Variants in DNPEP observed in about 807,000 individuals in gnomAD.
DNPEP encodes the protein aspartyl aminopeptidase.
Under a neutral mutation model 59.1 loss-of-function variants are expected in DNPEP, and 46 were observed. The observed-to-expected ratio is 0.78, with a 90% CI of 0.61 to 0.99. The LOEUF is 0.99. DNPEP is among the 50% of genes least tolerant of loss of function. The pLI, the probability that DNPEP is intolerant of heterozygous loss-of-function variation, is 0.00. For synonymous variants in DNPEP, 229 were observed against 242.2 expected (o/e 0.95, Z 0.50); for missense variants, 617 against 649.9 (o/e 0.95, Z 0.55).
At chr2:219,386,539 G>A (rs1953845187) in intron 4 of DNPEP, 126 bp downstream of exon 4, 2 of 1,476,242 alleles carry the variant, frequency 1.4e-6, no homozygotes, top group South Asian at 2.5e-5. Context: ...TGAAGGAAGG[G>A]GCCAACAAGT....
At chr2:219,379,425 G>A (rs999413973) in intron 13 of DNPEP, among the ~76,000 whole-genome samples, 4 of 152,072 alleles carry the variant, frequency 2.6e-5, no homozygotes, top group African/African-American at 9.7e-5. Context: ...TATAGGCCTA[G>A]GCTAATGTGT....
At chr2:219,377,840 C>G (rs1470490752) in intron 13 of DNPEP, among the ~76,000 whole-genome samples, 2 of 151,842 alleles carry the variant, frequency 1.3e-5, no homozygotes, top group African/African-American at 4.8e-5. Flanking sequence ...GGAAGATCTT[C>G]TGAGCTCAGG....
chr2:219,375,085 G>A (rs1179877022), intron 13 of DNPEP, 63 bp from the exon 14 acceptor site: 5 of 1,558,524 alleles, frequency 3.2e-6, no homozygotes, highest in Non-Finnish European at 2.6e-6. Flanking sequence ...CAAGGAGGAC[G>A]CCATCTTAGA....
intron 10 of DNPEP, among the ~76,000 whole-genome samples, chr2:219,382,540 G>C (rs953075158): frequency 6.6e-6 from 1 of 152,218 alleles, no homozygotes; most frequent in Non-Finnish European, 1.5e-5. Context: ...AGGCTCCCCT[G>C]CAGCTAAGTT....
In DNPEP at chr2:219,382,114, G is replaced by T; in HGVS notation, c.962C>A (p.Ala321Glu). Reference protein sequence around the residue: ...EEVGSESAQGAQSLLTELVLR... With the variant: ...EEVGSESAQGEQSLLTELVLR... ...CACCAGCTCTGTCAGCAGTGACTGT[G>T]CTCCCTGTGCACTCTCAGACCCCAC... The change falls in exon 11 of 15, where the codon GCA becomes GAA. Residue 321 changes from alanine (A) to glutamate (E), a missense_variant. Transcript: ENST00000273075. 1 of 1,612,340 alleles carries T rather than the reference G, an allele frequency of 6.2e-7. No individual in the cohort carries two copies.
At chr2:219,386,603 C>T (rs1953848010) in intron 4 of DNPEP, 62 bp downstream of exon 4, 1 of 1,515,358 alleles carries the variant, frequency 6.6e-7, no homozygotes, top group African/African-American at 1.4e-5. Flanking sequence ...CCTCCTAGTT[C>T]TCTTTTGCCC....
At chr2:219,374,695 G>C (rs1271098248) in intron 14 of DNPEP, among the ~76,000 whole-genome samples, 160 bp downstream of exon 14, 1 of 152,154 alleles carries the variant, frequency 6.6e-6, no homozygotes, top group Non-Finnish European at 1.5e-5. Flanking sequence ...AGCCACTGTG[G>C]TTGGCCAGGA....
upstream of DNPEP, among the ~76,000 whole-genome samples, chr2:219,391,802 A>G (rs1244960489): frequency 6.6e-6 from 1 of 151,456 alleles, no homozygotes; most frequent in Non-Finnish European, 1.5e-5. Flanking sequence ...CAGCATCTGC[A>G]TGTTAACAAG....
At position 219,383,603 on chromosome 2, in the gene DNPEP, T is replaced by C. The variant is rs148173073; in HGVS notation, c.853-389A>G. Among the ~76,000 whole-genome samples the C allele has an allele frequency of 3.8e-3, 571 of 152,030 alleles. 7 individuals are homozygous for C. The highest frequency in any genetic ancestry group is 0.013 in the African/African-American group (542 of 41,464). ...TTCCCATGCAAAAGGCAGTAGAAGA[T>C]GTGGAGGACAGAGAGGAAGAGCTGA... On this transcript the variant is annotated intron_variant, in intron 9 of 14. Transcript: ENST00000273075.
chr2:219,386,175 AG>A (rs11352428), intron 5 of DNPEP, 77 bp from the exon 6 acceptor site: 1,570,167 of 1,608,048 alleles, frequency 0.98, 768,907 homozygotes, highest in East Asian at 1. Context: ...CAGACTAAGC[AG>A]GGTGGTCCTC....
upstream of DNPEP, among the ~76,000 whole-genome samples, chr2:219,389,847 T>TAAATAAATAAATAAATAAATA (rs1953986008): frequency 6.6e-6 from 1 of 151,332 alleles, no homozygotes; most frequent in African/African-American, 2.4e-5. Flanking sequence ...AATAAATAAA[T>TAAATAAATAAATAAATAAATA]AAAATTATGT....
In DNPEP at chr2:219,386,742, A is replaced by ATTG. The variant is rs761216369; in HGVS notation, c.255_256insCAA (p.Ala85_Phe86insGln). 6.2e-7 allele frequency: 1 copy of ATTG among 1,613,126 alleles called. No homozygotes were observed. Among genetic ancestry groups the ATTG allele is most frequent in the Non-Finnish European group, 8.5e-7 (1 of 1,179,690 alleles). ...GGAACGTACTGGCCCCCTACAGCAA[A>ATTG]AGCTATGATGGTGGAGGAGTTCCTG... On this transcript the variant is annotated inframe_insertion, in exon 4 of 15. Coordinates refer to ENST00000273075, the MANE Select transcript of DNPEP (RefSeq NM_012100.4).
At chr2:219,387,327 T>G in intron 1 of DNPEP, 164 bp from the exon 2 acceptor site, 1 of 1,439,844 alleles carries the variant, frequency 6.9e-7, no homozygotes, top group Non-Finnish European at 9.1e-7. Context: ...GGGCTGAAAC[T>G]CCGTTGAAAG....
intron 8 of DNPEP, 141 bp downstream of exon 8, chr2:219,385,283 G>T: frequency 1.6e-6 from 1 of 611,168 alleles, no homozygotes; most frequent in South Asian, 2.1e-5. Flanking sequence ...TAGAAGCAGT[G>T]GGGGATGTGT....
At chr2:219,379,062 C>A (rs550343541) in intron 13 of DNPEP, among the ~76,000 whole-genome samples, 2 of 152,012 alleles carry the variant, frequency 1.3e-5, no homozygotes, top group African/African-American at 4.8e-5. Context: ...GGATTACAGG[C>A]GCACACCACC....
intron 8 of DNPEP, 33 bp downstream of exon 8, chr2:219,385,391 C>T (rs1229178081): frequency 9.9e-6 from 15 of 1,522,494 alleles, no homozygotes; most frequent in Non-Finnish European, 1.4e-5. Flanking sequence ...CCTGGAGGCC[C>T]TTCACCCACA....
At chr2:219,393,273 G>A (rs959986454), upstream of DNPEP, among the ~76,000 whole-genome samples, 3 of 152,028 alleles carry the variant, frequency 2.0e-5, no homozygotes, top group Admixed American at 6.6e-5. Context: ...GGTTGGACAA[G>A]CTTACTTTTT....
chr2:219,386,446 C>T (rs776591150), intron 4 of DNPEP, 35 bp from the exon 5 acceptor site: 2 of 1,613,474 alleles, frequency 1.2e-6, no homozygotes, highest in East Asian at 2.2e-5. Context: ...GAGAAGGCTT[C>T]ATGACGATAT....
At chr2:219,399,397 C>G (rs762880469) in intron 1 of DNPEP, 3 of 456,620 alleles carry the variant, frequency 6.6e-6, no homozygotes, top group South Asian at 4.6e-5. Flanking sequence ...GGGTGCGAAT[C>G]CCCCGGAGTG....
Sources: allele counts gnomAD v4.1 joint callset (sites outside exome capture counted in the v4.1 genomes callset), GRCh38; gene constraint gnomAD v4.1.1; transcripts MANE v1.5; gene names NCBI Gene and HGNC (gene_info 2026-07-23, HGNC 2026-07-21).